RCAN1: variants seen among roughly 807,000 people sequenced by gnomAD.
RCAN1 encodes regulator of calcineurin 1, also known as calcipressin-1.
A neutral mutation model predicts 22.9 loss-of-function variants in RCAN1; 11 were observed. That is an observed-to-expected ratio of 0.48 (90% confidence interval 0.30 to 0.79). The LOEUF (loss-of-function observed/expected upper bound fraction) is 0.79. RCAN1 is among the 30% of genes least tolerant of loss of function. The probability of loss-of-function intolerance (pLI) is 0.06; values close to 1 mark genes in which losing one functional copy is unlikely to be tolerated. For synonymous variants in RCAN1, 136 were observed against 142.3 expected (o/e 0.96, Z 0.32); for missense variants, 291 against 337.8 (o/e 0.86, Z 1.09).
At chr21:34,573,186 A>T (rs2123685685) in intron 1 of RCAN1, among the ~76,000 whole-genome samples, 1 of 152,352 alleles carries the variant, frequency 6.6e-6, no homozygotes, top group Middle Eastern at 3.4e-3. Flanking sequence ...GTAAATGGAT[A>T]GATTTTTAGC....
chr21:34,570,891 A>G (rs1274885714), intron 1 of RCAN1, among the ~76,000 whole-genome samples: 3 of 152,182 alleles, frequency 2.0e-5, no homozygotes, highest in Non-Finnish European at 2.9e-5. Flanking sequence ...TTCTTTCCCC[A>G]ATCATTGACT....
At chr21:34,557,106 G>T (rs566669669) in intron 1 of RCAN1, among the ~76,000 whole-genome samples, 2 of 152,142 alleles carry the variant, frequency 1.3e-5, no homozygotes, top group Non-Finnish European at 2.9e-5. Context: ...TCAGCTACTC[G>T]GGAGGCTGAG....
chr21:34,596,443 C>T (rs1023426388), intron 1 of RCAN1, among the ~76,000 whole-genome samples: 5 of 152,164 alleles, frequency 3.3e-5, no homozygotes, highest in East Asian at 3.9e-4. Context: ...AGAAAAAACT[C>T]GAAGTGCAAG....
intron 1 of RCAN1, among the ~76,000 whole-genome samples, chr21:34,533,129 T>A (rs1235115189): frequency 2.0e-5 from 3 of 151,506 alleles, no homozygotes; most frequent in African/African-American, 7.3e-5. Context: ...CCCGGCTAAT[T>A]TTTTGTATTT....
intron 1 of RCAN1, among the ~76,000 whole-genome samples, chr21:34,591,192 T>G (rs1157975549): frequency 6.6e-6 from 1 of 152,210 alleles, no homozygotes; most frequent in Non-Finnish European, 1.5e-5. Context: ...GCTGATAATG[T>G]AGCCGTGAAC....
intron 1 of RCAN1, among the ~76,000 whole-genome samples, chr21:34,597,621 T>C (rs1161834283): frequency 6.6e-6 from 1 of 152,216 alleles, no homozygotes; most frequent in African/African-American, 2.4e-5. Flanking sequence ...AAATACCATA[T>C]TGCCACACCC....
In RCAN1 at chr21:34,614,287, G is replaced by A. The variant is rs1988758261; in HGVS notation, c.252+473C>T. ...AACCACGGATCCTCACCCAAACATTGGCTTTTCTTCCAATAGTGCAGATTG... is the reference window on the plus strand; with the variant it reads ...AACCACGGATCCTCACCCAAACATTAGCTTTTCTTCCAATAGTGCAGATTG... On this transcript the variant is annotated intron_variant, in intron 1 of 3. Coordinates refer to ENST00000313806, the MANE Select transcript of RCAN1 (RefSeq NM_004414.7). The surrounding 1 kb of genome is among the most constrained non-coding windows in gnomAD (Gnocchi z 6.0). 1.0e-6 allele frequency: 1 copy of A among 992,102 alleles called. No homozygotes were observed. The highest frequency in any genetic ancestry group is 1.2e-6 in the Non-Finnish European group (1 of 834,692). 61.5% of individuals were successfully genotyped at this position (992,102 alleles called of 1,614,324 possible).
chr21:34,542,241 A>G lies in RCAN1; in HGVS notation c.253-18531T>C, dbSNP rs1985943825. On this transcript the variant is annotated intron_variant, in intron 1 of 3. Coordinates refer to ENST00000313806, the MANE Select transcript of RCAN1 (RefSeq NM_004414.7). ...ACAGCCTTGCCATTCCTGTTGGGAG[A>G]AGGAATGTATGTCCCCTGCCCTTGA... is the stretch of plus-strand genomic sequence containing the variant. 2.0e-5 allele frequency among the ~76,000 whole-genome samples: 3 copies of G among 152,060 alleles called. No individual in the cohort carries two copies. The South Asian group carries it at 6.2e-4, about 32-fold the overall frequency.
intron 1 of RCAN1, chr21:34,526,732 A>C (rs534820838): frequency 1.2e-6 from 2 of 1,613,442 alleles, no homozygotes; most frequent in African/African-American, 1.3e-5. Context: ...AACTGTAGTT[A>C]AAGTTTCTAA....
In RCAN1 at chr21:34,614,257, T is replaced by G; in HGVS notation, c.252+503A>C. 1.0e-6 allele frequency: 1 copy of G among 996,090 alleles called. No homozygotes were observed. The highest frequency in any genetic ancestry group is 1.2e-6 in the Non-Finnish European group (1 of 837,496). The allele number at this position is 996,090 out of a possible 1,614,324, so 61.7% of individuals were successfully genotyped here. A position where few individuals can be genotyped will look rare whatever the true frequency, so the allele number is the denominator to read the frequency against. Reference sequence around the variant, plus strand: ...CCAAAACTGGCCAGCCGCTGGCTAATGAGCAACCACGGATCCTCACCCAAA... The same window carrying G: ...CCAAAACTGGCCAGCCGCTGGCTAAGGAGCAACCACGGATCCTCACCCAAA... On this transcript the variant is annotated intron_variant, in intron 1 of 3. Coordinates refer to ENST00000313806, the MANE Select transcript of RCAN1 (RefSeq NM_004414.7). The surrounding 1 kb of genome is among the most constrained non-coding windows in gnomAD (Gnocchi z 6.0).
intron 1 of RCAN1, among the ~76,000 whole-genome samples, chr21:34,587,294 A>G (rs1230878603): frequency 6.6e-6 from 1 of 152,170 alleles, no homozygotes; most frequent in Non-Finnish European, 1.5e-5. Flanking sequence ...TGAATATTTA[A>G]TTAAAAACAT....
At chr21:34,559,700 T>C (rs148203501) in intron 1 of RCAN1, 2 of 152,304 alleles carry the variant, frequency 1.3e-5, no homozygotes, top group East Asian at 1.9e-4. Context: ...TCATTTCACA[T>C]GTATTAACTC....
chr21:34,606,291 G>A (rs8129545), intron 1 of RCAN1, among the ~76,000 whole-genome samples: 9,009 of 152,072 alleles, frequency 0.059, 753 homozygotes, highest in African/African-American at 0.19. Context: ...AGCCTCTGCC[G>A]CTTGGCAGAC....
chr21:34,600,815 T>C (rs1345277433), intron 1 of RCAN1, among the ~76,000 whole-genome samples: 1 of 152,240 alleles, frequency 6.6e-6, no homozygotes, highest in Non-Finnish European at 1.5e-5. Context: ...GTGAAATTAA[T>C]ACAGGTTTTT....
intron 1 of RCAN1, chr21:34,525,402 CG>C (rs1984974819): frequency 1.4e-6 from 2 of 1,434,702 alleles, no homozygotes; most frequent in Non-Finnish European, 1.8e-6. Flanking sequence ...AGCTGGCGGA[CG>C]GTAGAGTTCA....
At chr21:34,534,862 A>G (rs1985595663) in intron 1 of RCAN1, among the ~76,000 whole-genome samples, 1 of 152,198 alleles carries the variant, frequency 6.6e-6, no homozygotes. Context: ...GCAGGATGCC[A>G]GGCACTGGCC....
intron 1 of RCAN1, among the ~76,000 whole-genome samples, chr21:34,563,637 G>A (rs1176386342): frequency 9.9e-5 from 15 of 151,428 alleles, no homozygotes; most frequent in Admixed American, 7.9e-4. Context: ...GGCCAGGCAC[G>A]GTGGCTCATG....
intron 1 of RCAN1, among the ~76,000 whole-genome samples, chr21:34,528,802 C>A (rs1426006507): frequency 6.6e-6 from 1 of 152,180 alleles, no homozygotes; most frequent in Non-Finnish European, 1.5e-5. Flanking sequence ...AATTTAGACA[C>A]AAGAGGCTGA....
intron 3 of RCAN1, among the ~76,000 whole-genome samples, chr21:34,520,696 A>C (rs1398568863): frequency 6.6e-6 from 1 of 152,092 alleles, no homozygotes; most frequent in African/African-American, 2.4e-5. Flanking sequence ...ACTCTCCCTC[A>C]CACCTGCCTC....
Sources: gnomAD v4.1 joint callset for allele counts (sites outside exome capture counted in the v4.1 genomes callset) on GRCh38, gnomAD v4.1.1 for gene constraint, Gnocchi (gnomAD v3.1) non-coding constraint, MANE v1.5 for transcripts, NCBI Gene and HGNC (gene_info 2026-07-23, HGNC 2026-07-21) for gene names.